ANK1: variants seen among roughly 807,000 people sequenced by gnomAD.
ANK1 encodes ankyrin-1.
In ANK1, 51 loss-of-function variants were observed where a neutral mutation model predicts 210.4. The observed-to-expected ratio is 0.24, with a 90% CI of 0.19 to 0.31. The LOEUF is 0.31. ANK1 is among the 10% of genes least tolerant of loss of function. The pLI, the probability that ANK1 is intolerant of heterozygous loss-of-function variation, is 1.00. For missense variants in ANK1, 2,051 were observed against 2,504.4 expected (o/e 0.82, Z 3.86); for synonymous variants, 967 against 1,025.9 (o/e 0.94, Z 1.10).
intron 5 of ANK1, 45 bp downstream of exon 5, chr8:41,727,205 C>T (rs745618642): frequency 2.0e-6 from 3 of 1,501,260 alleles, no homozygotes; most frequent in Non-Finnish European, 2.8e-6. Flanking sequence ...AGGTTGTACA[C>T]CTGGGAGACT....
chr8:41,701,987 C>A (rs1480300696), intron 21 of ANK1, 65 bp downstream of exon 21: 1 of 1,535,864 alleles, frequency 6.5e-7, no homozygotes, highest in Non-Finnish European at 9.0e-7. Context: ...CCAGAGTAAC[C>A]CCAGGCACGC....
chr8:41,862,629 C>CA (rs528746178), intron 1 of ANK1, among the ~76,000 whole-genome samples: 12 of 120,174 alleles, frequency 1.0e-4, no homozygotes, highest in Admixed American at 5.1e-4. Flanking sequence ...GGAAAAGGAG[C>CA]AGAGGAAGGG....
chr8:41,684,393 G>T, intron 37 of ANK1, 151 bp downstream of exon 37: 1 of 1,278,962 alleles, frequency 7.8e-7, no homozygotes, highest in Non-Finnish European at 1.1e-6. Flanking sequence ...TCCCCGGAAA[G>T]GAGGAACTTG....
At position 41,665,137 on chromosome 8, in the gene ANK1, C is replaced by CAT. The variant is rs527275351; in HGVS notation, c.5395-1396_5395-1395insAT. The CAT allele has an allele frequency of 1.0e-4, 159 of 1,541,944 alleles. 2 individuals are homozygous for CAT. The East Asian group carries it at 3.3e-3, about 32-fold the overall frequency. On this transcript the variant is annotated intron_variant, in intron 39 of 42. Transcript: ENST00000289734. ...AGTCCCCCAGGGACCCCTTGCATTC[C>CAT]CCCTCCCTATCTCTCTGGTTTGCTC... is the stretch of plus-strand genomic sequence containing the variant.
At chr8:41,715,302 T>G (rs1827325663) in intron 14 of ANK1, among the ~76,000 whole-genome samples, 1 of 152,102 alleles carries the variant, frequency 6.6e-6, no homozygotes, top group African/African-American at 2.4e-5. Flanking sequence ...CACCTCACAG[T>G]GGTAGTTGAT....
At chr8:41,888,607 C>A (rs937942404) in intron 1 of ANK1, among the ~76,000 whole-genome samples, 11 of 152,234 alleles carry the variant, frequency 7.2e-5, no homozygotes, top group African/African-American at 2.4e-4. Context: ...ATCATGGCAG[C>A]AATGCCACCC....
intron 20 of ANK1, among the ~76,000 whole-genome samples, chr8:41,703,450 A>ATATATATATATTTTTTTTTTTTT (rs59985416): frequency 1.7e-5 from 1 of 58,818 alleles, no homozygotes; most frequent in African/African-American, 9.0e-5. Flanking sequence ...ATATATATAT[A>ATATATATATATTTTTTTTTTTTT]TTTTTTTTTT....
chr8:41,783,872 G>A (rs1845821061), intron 1 of ANK1, among the ~76,000 whole-genome samples: 1 of 152,144 alleles, frequency 6.6e-6, no homozygotes, highest in Admixed American at 6.5e-5. Flanking sequence ...CCACCAGACT[G>A]GGCAACATAG....
At chr8:41,725,647 C>T in intron 6 of ANK1, 114 bp downstream of exon 6, 2 of 1,436,454 alleles carry the variant, frequency 1.4e-6, no homozygotes, top group Admixed American at 4.0e-5. Flanking sequence ...TCAGTGCGCA[C>T]TGCCCGCCCT....
rs1403261165 is a variant in ANK1 at position 41,739,062 on chromosome 8, C to A, written c.130-4993G>T. On this transcript the variant is annotated intron_variant, in intron 2 of 42. Transcript: ENST00000289734. ...CCAGTTCGCTAGAGTCTTTTTCCTA[C>A]AGATACTGCCTTCTGGAGCTCCAAT... 3.9e-5 allele frequency among the ~76,000 whole-genome samples: 6 copies of A among 152,242 alleles called. No homozygotes were observed. In the East Asian group the frequency reaches 1.2e-3, roughly 29 times the overall value.
intron 22 of ANK1, among the ~76,000 whole-genome samples, 179 bp downstream of exon 22, chr8:41,701,371 G>A (rs556589269): frequency 6.6e-6 from 1 of 152,258 alleles, no homozygotes; most frequent in South Asian, 2.1e-4. Context: ...TATTAATAGA[G>A]CAGTATTTTT....
intron 1 of ANK1, among the ~76,000 whole-genome samples, chr8:41,820,758 T>C (rs1218323859): frequency 6.6e-6 from 1 of 152,154 alleles, no homozygotes; most frequent in East Asian, 1.9e-4. Flanking sequence ...AGAAAAACCA[T>C]GTTTAATTGC....
At chr8:41,752,257 G>A (rs368134076) in intron 2 of ANK1, among the ~76,000 whole-genome samples, 3 of 152,134 alleles carry the variant, frequency 2.0e-5, no homozygotes, top group Admixed American at 6.6e-5. Context: ...CCACGAGCGC[G>A]CAGACTATTT....
At chr8:41,763,803 A>G (rs1841007660) in intron 1 of ANK1, among the ~76,000 whole-genome samples, 1 of 150,646 alleles carries the variant, frequency 6.6e-6, no homozygotes, top group Non-Finnish European at 1.5e-5. Flanking sequence ...AAGTAAAGTG[A>G]CCGGCTAAGG....
intron 1 of ANK1, chr8:41,788,743 C>T (rs1233944099): frequency 2.0e-5 from 3 of 152,166 alleles, no homozygotes; most frequent in Non-Finnish European, 4.4e-5. Flanking sequence ...ACTCCAGTGA[C>T]CCCTCTTCAT....
intron 42 of ANK1, among the ~76,000 whole-genome samples, chr8:41,659,657 G>A (rs1284081151): frequency 6.6e-6 from 1 of 152,100 alleles, no homozygotes; most frequent in Non-Finnish European, 1.5e-5. Context: ...TTTGGCAGGA[G>A]CTTTTCTCCG....
chr8:41,703,869 A>C (rs2150611504), intron 20 of ANK1, among the ~76,000 whole-genome samples, 172 bp downstream of exon 20: 1 of 152,300 alleles, frequency 6.6e-6, no homozygotes, highest in East Asian at 1.9e-4. Flanking sequence ...CAGAAAGAGG[A>C]ACTGATCACA....
intron 2 of ANK1, among the ~76,000 whole-genome samples, chr8:41,747,622 G>C (rs986762777): frequency 6.6e-6 from 1 of 152,166 alleles, no homozygotes; most frequent in Non-Finnish European, 1.5e-5. Flanking sequence ...CACCTTCATG[G>C]AACCTGCCAC....
At chr8:41,730,205 G>A (rs1260879629) in intron 3 of ANK1, among the ~76,000 whole-genome samples, 1 of 152,114 alleles carries the variant, frequency 6.6e-6, no homozygotes, top group East Asian at 1.9e-4. Flanking sequence ...CCCCCCAGCC[G>A]CTGCTGACCC....
Sources: gnomAD v4.1 joint callset for allele counts (sites outside exome capture counted in the v4.1 genomes callset) on GRCh38, gnomAD v4.1.1 for gene constraint, MANE v1.5 for transcripts, NCBI Gene and HGNC (gene_info 2026-07-23, HGNC 2026-07-21) for gene names.